Variants in SSBP2 observed in about 807,000 individuals in gnomAD.
SSBP2 encodes single stranded DNA binding protein 2.
A neutral mutation model predicts 61.8 loss-of-function variants in SSBP2; 17 were observed. The ratio of observed to expected loss-of-function variants is 0.28; its 90% CI spans 0.19 to 0.41. The LOEUF (loss-of-function observed/expected upper bound fraction) is 0.41. SSBP2 is among the 10% of genes least tolerant of loss of function. The probability of loss-of-function intolerance (pLI) is 1.00; values close to 1 mark genes in which losing one functional copy is unlikely to be tolerated. For missense variants in SSBP2, 310 were observed against 458.7 expected (o/e 0.68, Z 2.96); for synonymous variants, 139 against 141.3 (o/e 0.98, Z 0.12).
intron 2 of SSBP2, among the ~76,000 whole-genome samples, chr5:81,637,968 T>G (rs997627179): frequency 1.3e-5 from 2 of 151,932 alleles, no homozygotes; most frequent in Non-Finnish European, 2.9e-5. Context: ...ATGGATGAAA[T>G]TGGAAATCAT....
At position 81,444,805 on chromosome 5, in the gene SSBP2, CA is replaced by C. The variant is rs573142939; in HGVS notation, c.778+2062del. Among the ~76,000 whole-genome samples, 276 of 151,902 alleles carry C rather than the reference CA, an allele frequency of 1.8e-3. 1 individual carries two copies. Among genetic ancestry groups the C allele is most frequent in the African/African-American group, 6.4e-3 (265 of 41,418 alleles). ...ATCAAGAATATAATTTCATCTGCTA[CA>C]GAAAAAATTTGAGAGAGATAAGATT... On this transcript the variant is annotated intron_variant, in intron 12 of 16. Coordinates refer to ENST00000320672, the MANE Select transcript of SSBP2 (RefSeq NM_012446.5).
chr5:81,544,204 A>C (rs1411220446), intron 4 of SSBP2, among the ~76,000 whole-genome samples: 1 of 152,004 alleles, frequency 6.6e-6, no homozygotes, highest in Non-Finnish European at 1.5e-5. Context: ...CGATGCCACC[A>C]CGCCCGGCTA....
intron 1 of SSBP2, among the ~76,000 whole-genome samples, chr5:81,678,155 G>GA (rs1752125290): frequency 6.6e-6 from 1 of 152,040 alleles, no homozygotes; most frequent in African/African-American, 2.4e-5. Flanking sequence ...AGGCTTTAAT[G>GA]AAAAAAGTAG....
chr5:81,425,977 G>T (rs1379785031), intron 16 of SSBP2, among the ~76,000 whole-genome samples: 1 of 152,138 alleles, frequency 6.6e-6, no homozygotes, highest in African/African-American at 2.4e-5. Context: ...ATCCTTAAAA[G>T]GCAGACTGCT....
intron 9 of SSBP2, among the ~76,000 whole-genome samples, chr5:81,462,155 T>C (rs962732672): frequency 2.0e-5 from 3 of 152,060 alleles, no homozygotes; most frequent in Admixed American, 1.3e-4. Flanking sequence ...ACACTAACGA[T>C]AGCTGATGAG....
chr5:81,568,829 A>T (rs1164306095), intron 4 of SSBP2, among the ~76,000 whole-genome samples: 1 of 152,230 alleles, frequency 6.6e-6, no homozygotes. Context: ...TGATCATGAG[A>T]TCTAGCTTGT....
At chr5:81,491,268 C>T (rs1766835596) in intron 5 of SSBP2, among the ~76,000 whole-genome samples, 1 of 152,104 alleles carries the variant, frequency 6.6e-6, no homozygotes, top group Non-Finnish European at 1.5e-5. Flanking sequence ...AAATAGGTTA[C>T]TAATAATTTT....
At chr5:81,442,824 C>G in intron 12 of SSBP2, 101 bp from the exon 13 acceptor site, 1 of 522,484 alleles carries the variant, frequency 1.9e-6, no homozygotes, top group Non-Finnish European at 3.3e-6. Context: ...ATACCTCTCT[C>G]TATATAAGCT....
intron 1 of SSBP2, among the ~76,000 whole-genome samples, chr5:81,713,722 C>G (rs1475510302): frequency 6.6e-6 from 1 of 152,118 alleles, no homozygotes; most frequent in East Asian, 1.9e-4. Context: ...ACCACTACCA[C>G]ACATTTAAGG....
intron 1 of SSBP2, among the ~76,000 whole-genome samples, chr5:81,723,958 T>C (rs894773567): frequency 1.3e-5 from 2 of 152,086 alleles, no homozygotes; most frequent in African/African-American, 4.8e-5. Context: ...CCACTTGCGC[T>C]ACCACTACAA....
At chr5:81,475,218 A>C (rs1421108324) in intron 6 of SSBP2, among the ~76,000 whole-genome samples, 1 of 152,116 alleles carries the variant, frequency 6.6e-6, no homozygotes, top group African/African-American at 2.4e-5. Flanking sequence ...AATGATTTAA[A>C]CCTACTGATC....
chr5:81,750,921 TGCGTGCGTGAGTGTGC>T (rs1757725496), intron 1 of SSBP2, 44 bp downstream of exon 1: 5 of 1,525,034 alleles, frequency 3.3e-6, no homozygotes, highest in Non-Finnish European at 4.5e-6. Flanking sequence ...AGTGTGCGAG[TGCGTGCGTGAGTGTGC>T]GCGCGTGTGA....
rs182364393 is a variant in SSBP2, at chr5:81,637,816, C to T, written c.136-1198G>A. ...GACACATGCACACGTATGTTTATTA[C>T]GGCGATATTCACAATAGCAAAGACT... On this transcript the variant is annotated intron_variant, in intron 2 of 16. Transcript: ENST00000320672. 1.0e-3 allele frequency among the ~76,000 whole-genome samples: 156 copies of T among 152,242 alleles called. 1 individual carries two copies. The highest frequency in any genetic ancestry group is 3.4e-3 in the African/African-American group (141 of 41,540).
rs550082785 is a variant in SSBP2 at position 81,626,652 on chromosome 5, A to G, written c.197+9905T>C. On this transcript the variant is annotated intron_variant, in intron 3 of 16. Transcript: ENST00000320672. ...TGTTAGCCTACCTTTGACCCCATGC[A>G]CCAACTCATTTCCTGAATATCCTAT... 4.2e-4 allele frequency among the ~76,000 whole-genome samples: 64 copies of G among 152,250 alleles called. 1 individual carries two copies. The South Asian group carries it at 0.013, about 32-fold the overall frequency.
At chr5:81,655,386 AAG>A (rs1262228372) in intron 1 of SSBP2, among the ~76,000 whole-genome samples, 6 of 152,196 alleles carry the variant, frequency 3.9e-5, no homozygotes, top group African/African-American at 1.4e-4. Context: ...CAAATACAGT[AAG>A]AGTCAGCTGC....
chr5:81,474,462 C>A, intron 7 of SSBP2, 34 bp downstream of exon 7: 1 of 1,572,498 alleles, frequency 6.4e-7, no homozygotes, highest in East Asian at 2.2e-5. Context: ...TATGGTTCTG[C>A]ACATCAATTT....
intron 1 of SSBP2, among the ~76,000 whole-genome samples, chr5:81,667,607 T>C (rs1751253554): frequency 1.3e-5 from 2 of 152,004 alleles, no homozygotes; most frequent in African/African-American, 4.8e-5. Context: ...GGCTAGAAAG[T>C]AGCTTAAAGA....
At chr5:81,716,862 A>C (rs1051169074) in intron 1 of SSBP2, among the ~76,000 whole-genome samples, 1 of 152,230 alleles carries the variant, frequency 6.6e-6, no homozygotes, top group African/African-American at 2.4e-5. Flanking sequence ...TTTTTAAGAA[A>C]GGGAAGCATC....
intron 1 of SSBP2, chr5:81,750,757 C>T (rs976553293): frequency 2.4e-5 from 14 of 579,396 alleles, no homozygotes; most frequent in Non-Finnish European, 3.9e-5. Context: ...CACACCCGGT[C>T]CCTCCCGCCG....
Sources: gnomAD v4.1 joint callset for allele counts (sites outside exome capture counted in the v4.1 genomes callset) on GRCh38, gnomAD v4.1.1 for gene constraint, MANE v1.5 for transcripts, NCBI Gene and HGNC (gene_info 2026-07-23, HGNC 2026-07-21) for gene names.